TAS2R1: variants seen among roughly 807,000 people sequenced by gnomAD.
TAS2R1 encodes the protein taste receptor type 2 member 1.
For synonymous variants in TAS2R1, 141 were observed against 134.2 expected (o/e 1.05, Z -0.35); for missense variants, 370 against 353.4 (o/e 1.05, Z -0.38).
chr5:9,744,147 C>T, the TAS2R1 span, among the ~76,000 whole-genome samples: 5 of 152,118 alleles, frequency 3.3e-5, no homozygotes, highest in Admixed American at 1.3e-4. Context: ...AGACACACTG[C>T]TCTCTCCCTT....
the TAS2R1 span, among the ~76,000 whole-genome samples, chr5:9,862,089 C>T: frequency 6.6e-6 from 1 of 152,098 alleles, no homozygotes; most frequent in Non-Finnish European, 1.5e-5. Context: ...GATGATAAAG[C>T]AGAGCAGGCT....
chr5:9,771,507 T>A, the TAS2R1 span, among the ~76,000 whole-genome samples: 1 of 152,206 alleles, frequency 6.6e-6, no homozygotes, highest in African/African-American at 2.4e-5. Flanking sequence ...CTGGTTTTGG[T>A]ATCAGGGTAA....
In TAS2R1 at chr5:9,630,156, A is replaced by G. The variant is rs1739847090; in HGVS notation, c.-124T>C. 3.9e-6 allele frequency: 3 copies of G among 768,052 alleles called. No individual in the cohort carries two copies. The highest frequency in any genetic ancestry group is 3.5e-5 in the African/African-American group (2 of 56,788). The allele number at this position is 768,052 out of a possible 1,614,324, so 47.6% of individuals were successfully genotyped here. A position where few individuals can be genotyped will look rare whatever the true frequency, so the allele number is the denominator to read the frequency against. On this transcript the variant is annotated 5_prime_UTR_variant, in exon 1 of 1. It removes an upstream start codon present in the reference 5' UTR. Coordinates refer to ENST00000382492, the MANE Select transcript of TAS2R1 (RefSeq NM_019599.3). ...GGGGAAGAAGACTAACAATAAAGGCATGGGGCAGGAAGGTGGTGTACATTT... is the reference window on the plus strand; with the variant it reads ...GGGGAAGAAGACTAACAATAAAGGCGTGGGGCAGGAAGGTGGTGTACATTT...
chr5:9,720,862 C>A, the TAS2R1 span, among the ~76,000 whole-genome samples: 1 of 152,174 alleles, frequency 6.6e-6, no homozygotes, highest in Non-Finnish European at 1.5e-5. Context: ...TCCAGGGAGC[C>A]CCAGGAGTGC....
chr5:9,876,578 C>T, the TAS2R1 span, among the ~76,000 whole-genome samples: 3 of 152,158 alleles, frequency 2.0e-5, no homozygotes, highest in African/African-American at 7.2e-5. Flanking sequence ...TTGTAATGAA[C>T]ATTGCCTTTG....
At chr5:9,705,259 C>T (rs1056347735) in intron 1 of TAS2R1, among the ~76,000 whole-genome samples, 2 of 152,180 alleles carry the variant, frequency 1.3e-5, no homozygotes, top group Non-Finnish European at 2.9e-5. Context: ...GTGGCTACCC[C>T]TGGCTAGAAG....
the TAS2R1 span, among the ~76,000 whole-genome samples, chr5:9,749,000 T>C: frequency 6.6e-6 from 1 of 152,192 alleles, no homozygotes; most frequent in Non-Finnish European, 1.5e-5. Context: ...AGCTCTCTAT[T>C]ATGAAAATAA....
the TAS2R1 span, among the ~76,000 whole-genome samples, chr5:9,731,003 G>C: frequency 6.6e-6 from 1 of 152,052 alleles, no homozygotes; most frequent in Non-Finnish European, 1.5e-5. Flanking sequence ...CCCAGTTTCA[G>C]GTATGCCTTT....
the TAS2R1 span, among the ~76,000 whole-genome samples, chr5:9,838,059 C>T: frequency 1.3e-5 from 2 of 152,286 alleles, no homozygotes; most frequent in African/African-American, 2.4e-5. Flanking sequence ...TCTGTCAAGT[C>T]CATGGATGAA....
At chr5:9,738,423 C>T in the TAS2R1 span, among the ~76,000 whole-genome samples, 9 of 152,218 alleles carry the variant, frequency 5.9e-5, no homozygotes, top group East Asian at 9.7e-4. Flanking sequence ...GGGAAAAAGG[C>T]GCTCCTCCTA....
In TAS2R1 at chr5:9,710,896, C is replaced by CATAT. The variant is rs56211334; in HGVS notation, c.-242+1272_-242+1275dup. On this transcript the variant is annotated intron_variant, in intron 1 of 2. Coordinates refer to the TAS2R1 transcript ENST00000506620. Reference sequence around the variant, plus strand: ...ATATATATGCATACACACACACACACATATATATATAACCAGATTATATAT... The same window carrying CATAT: ...ATATATATGCATACACACACACACACATATATATATATATAACCAGATTATATAT... Among the ~76,000 whole-genome samples the CATAT allele has an allele frequency of 5.3e-4, 76 of 144,084 alleles. No homozygotes were observed. In the East Asian group the frequency reaches 0.011, roughly 21 times the overall value. The allele number at this position is 144,084 out of a possible 152,430, so 94.5% of individuals were successfully genotyped here.
the TAS2R1 span, among the ~76,000 whole-genome samples, chr5:9,873,367 C>A: frequency 6.6e-6 from 1 of 152,006 alleles, no homozygotes; most frequent in African/African-American, 2.4e-5. Context: ...ACAGGGGTGC[C>A]CCATATGAGG....
upstream of TAS2R1, chr5:9,712,333 T>C (rs1170447812): frequency 2.0e-5 from 3 of 152,222 alleles, no homozygotes; most frequent in Non-Finnish European, 2.9e-5. Context: ...TCACATTATA[T>C]GCTGACTTGG....
chr5:9,802,082 A>T, the TAS2R1 span, among the ~76,000 whole-genome samples: 1 of 152,178 alleles, frequency 6.6e-6, no homozygotes, highest in African/African-American at 2.4e-5. Flanking sequence ...TAGCTGATGC[A>T]CTATTGAAAG....
At chr5:9,667,291 C>T (rs750421906) in intron 1 of TAS2R1, among the ~76,000 whole-genome samples, 15 of 152,172 alleles carry the variant, frequency 9.9e-5, no homozygotes, top group Non-Finnish European at 1.3e-4. Flanking sequence ...CCCCACCTCT[C>T]GTAGCCAGGA....
intron 1 of TAS2R1, among the ~76,000 whole-genome samples, chr5:9,667,121 G>A (rs1579774945): frequency 6.6e-6 from 1 of 152,040 alleles, no homozygotes. Context: ...CATACCATGT[G>A]CCTGGCATTC....
chr5:9,852,550 C>G, the TAS2R1 span, among the ~76,000 whole-genome samples: 3 of 152,186 alleles, frequency 2.0e-5, no homozygotes, highest in African/African-American at 7.2e-5. Flanking sequence ...CTCCAGAGAA[C>G]TGTGATTCAT....
Position 9,636,985 on chromosome 5 carries a change from GTT to G in TAS2R1, c.-80-6995_-80-6994del, listed in dbSNP as rs60925667. On this transcript the variant is annotated intron_variant, in intron 2 of 2. Transcript: ENST00000506620. Reference sequence around the variant, plus strand: ...GTGCTAGTTGTTGCCTTAATACCTTGTTTTTTTTTTTCCATTGTGTTATTATT... The same window carrying G: ...GTGCTAGTTGTTGCCTTAATACCTTGTTTTTTTTTCCATTGTGTTATTATT... 1.6e-3 allele frequency among the ~76,000 whole-genome samples: 236 copies of G among 149,322 alleles called. 2 individuals are homozygous for G. The highest frequency in any genetic ancestry group is 4.9e-3 in the African/African-American group (200 of 40,764).
chr5:9,794,895 T>G, the TAS2R1 span, among the ~76,000 whole-genome samples: 1 of 152,222 alleles, frequency 6.6e-6, no homozygotes, highest in African/African-American at 2.4e-5. Context: ...CTACACACAT[T>G]AATAATATAA....
Sources: gnomAD v4.1 joint callset for allele counts (sites outside exome capture counted in the v4.1 genomes callset) on GRCh38, gnomAD v4.1.1 for gene constraint, MANE v1.5 for transcripts, NCBI Gene and HGNC (gene_info 2026-07-23, HGNC 2026-07-21) for gene names.